The following SMCHD1 variants were observed in gnomAD, a reference collection of about 807,000 sequenced individuals.
SMCHD1 encodes the protein structural maintenance of chromosomes flexible hinge domain-containing protein 1.
A neutral mutation model predicts 254.7 loss-of-function variants in SMCHD1; 78 were observed. The ratio of observed to expected loss-of-function variants is 0.31; its 90% confidence interval spans 0.26 to 0.37. The LOEUF (loss-of-function observed/expected upper bound fraction) is 0.37, where lower values mean the gene tolerates loss of function less well. Among genes scored for constraint, SMCHD1 ranks in the 10% least tolerant of loss-of-function variants. The pLI is 1.00. For missense variants in SMCHD1, 1,840 were observed against 2,408.1 expected (o/e 0.76, Z 4.94); for synonymous variants, 766 against 794.9 (o/e 0.96, Z 0.61).
chr18:2,799,723 A>C (rs2076325351), intron 47 of SMCHD1, among the ~76,000 whole-genome samples: 1 of 152,138 alleles, frequency 6.6e-6, no homozygotes, highest in African/African-American at 2.4e-5. Context: ...ATTGTTACTA[A>C]GACTCTTTCT....
intron 31 of SMCHD1, 33 bp downstream of exon 31, chr18:2,750,155 T>TA: frequency 6.5e-7 from 1 of 1,550,164 alleles, no homozygotes; most frequent in South Asian, 1.2e-5. Flanking sequence ...TTGTTGGTGT[T>TA]ATAGAGATTC....
At chr18:2,758,816 C>T (rs188852211) in intron 34 of SMCHD1, among the ~76,000 whole-genome samples, 1 of 152,302 alleles carries the variant, frequency 6.6e-6, no homozygotes, top group East Asian at 1.9e-4. Flanking sequence ...ACCCCATCCC[C>T]TGCCCAGCAG....
intron 21 of SMCHD1, among the ~76,000 whole-genome samples, chr18:2,725,525 T>A (rs1451209465): frequency 6.6e-6 from 1 of 151,952 alleles, no homozygotes; most frequent in Non-Finnish European, 1.5e-5. Flanking sequence ...ATAGAAACTC[T>A]AATAAGGTAA....
In SMCHD1 at chr18:2,697,833, T is replaced by A. The variant is rs1298951978; in HGVS notation, c.1134T>A (p.Ile378=). The A allele has an allele frequency of 6.3e-7, 1 of 1,595,688 alleles. No individual in the cohort carries two copies. Among genetic ancestry groups the A allele is most frequent in the Non-Finnish European group, 8.6e-7 (1 of 1,165,538 alleles). The change falls in exon 10 of 48, where the codon ATT becomes ATA. Residue 378 remains isoleucine (I), a splice_region_variant and synonymous_variant. Transcript: ENST00000320876. Reference sequence around the variant, plus strand: ...TTTTTGTTTCCTTTTTATTTTAGATTTCTATGTTTGAAAAAGGGAAGGTAC... The same window carrying A: ...TTTTTGTTTCCTTTTTATTTTAGATATCTATGTTTGAAAAAGGGAAGGTAC... ...VEPFNNIDIE[I]SMFEKGKVPK...
rs2075825216 is a variant in SMCHD1 at position 2,763,809 on chromosome 18, T to C, written c.4719+20T>C. 2.5e-6 allele frequency: 4 copies of C among 1,600,400 alleles called. No individual in the cohort carries two copies. The highest frequency in any genetic ancestry group is 3.4e-6 in the Non-Finnish European group (4 of 1,174,420). ...ATCATGGTAAATTTTTTATATCTTT[T>C]GGTAGATAGAATTTCTGTATTTAAT... On this transcript the variant is annotated intron_variant, in intron 37 of 47. Transcript: ENST00000320876.
chr18:2,750,330 C>G lies in SMCHD1; in HGVS notation c.4008-20C>G. On this transcript the variant is annotated intron_variant, in intron 31 of 47. Transcript: ENST00000320876. ...ATTAACTAATGTAATTTGAACCCCT[C>G]TCCTCTTTTGTTTTGTTAGGGGAGA... 1 of 1,590,578 alleles carries G rather than the reference C, an allele frequency of 6.3e-7. No homozygotes were observed. The highest frequency in any genetic ancestry group is 8.5e-7 in the Non-Finnish European group (1 of 1,170,562).
At chr18:2,703,344 C>T (rs1381180657) in intron 12 of SMCHD1, among the ~76,000 whole-genome samples, 1 of 152,084 alleles carries the variant, frequency 6.6e-6, no homozygotes, top group East Asian at 1.9e-4. Context: ...TAGAAGGCCT[C>T]CACTCATCCC....
rs1398648402 is a variant in SMCHD1, at chr18:2,740,690, C to G, written c.3515-13C>G. On this transcript the variant is annotated splice_polypyrimidine_tract_variant and intron_variant, in intron 27 of 47. Transcript: ENST00000320876. The stretch of plus-strand genomic sequence containing the variant: ...AAAAGATAATACTAAAATAAAACTT[C>G]CCCCTTTTTTAGTTATAATAATTAC... The G allele has an allele frequency of 7.2e-7, 1 of 1,395,092 alleles. No individual in the cohort carries two copies. The highest frequency in any genetic ancestry group is 1.0e-6 in the Non-Finnish European group (1 of 999,988). The allele number at this position is 1,395,092 out of a possible 1,614,324, so 86.4% of individuals were successfully genotyped here. A position where few individuals can be genotyped will look rare whatever the true frequency, so the allele number is the denominator to read the frequency against.
rs566589750 is a variant in SMCHD1 at position 2,688,342 on chromosome 18, T to G, written c.639-52T>G. The G allele has an allele frequency of 3.0e-4, 393 of 1,316,136 alleles. 3 individuals are homozygous for G. The East Asian group carries it at 5.5e-3, about 18-fold the overall frequency. 81.5% of individuals were successfully genotyped at this position (1,316,136 alleles called of 1,614,324 possible). On this transcript the variant is annotated intron_variant, in intron 5 of 47. Coordinates refer to ENST00000320876, the MANE Select transcript of SMCHD1 (RefSeq NM_015295.3). ...GAATACAAGTGCAATGAAAGTTTCT[T>G]TTGACACTTAACTAGCTTGTTTAAA...
At chr18:2,730,712 C>G (rs1416610924) in intron 24 of SMCHD1, among the ~76,000 whole-genome samples, 2 of 152,192 alleles carry the variant, frequency 1.3e-5, no homozygotes, top group African/African-American at 4.8e-5. Flanking sequence ...GGTTGATTAA[C>G]TCATACTTTC....
intron 11 of SMCHD1, 36 bp downstream of exon 11, chr18:2,700,695 A>G: frequency 3.7e-6 from 6 of 1,604,030 alleles, no homozygotes; most frequent in Non-Finnish European, 4.3e-6. Context: ...TGTTTTTACA[A>G]CTTAATTCTT....
At chr18:2,781,953 A>G (rs2076163632) in intron 44 of SMCHD1, among the ~76,000 whole-genome samples, 1 of 152,222 alleles carries the variant, frequency 6.6e-6, no homozygotes, top group Non-Finnish European at 1.5e-5. Context: ...TGAAGAACTG[A>G]TGGCTGAAAA....
At chr18:2,789,792 G>A (rs936957913) in intron 45 of SMCHD1, among the ~76,000 whole-genome samples, 3 of 152,206 alleles carry the variant, frequency 2.0e-5, no homozygotes, top group Admixed American at 1.3e-4. Context: ...CAAGTGTTCT[G>A]TAGAGATCTT....
chr18:2,762,730 C>T (rs552384517), intron 36 of SMCHD1, among the ~76,000 whole-genome samples: 1 of 152,044 alleles, frequency 6.6e-6, no homozygotes, highest in Non-Finnish European at 1.5e-5. Context: ...TCATGTTATC[C>T]TCCTGCCTCA....
chr18:2,703,890 G>T lies in SMCHD1; in HGVS notation c.1842+4G>T, dbSNP rs770222418. ...GATATACAAAGCAGGACAGCTGGTAGGTTTAACTTATTGTCACTTTTTTCT... is the reference window on the plus strand; with the variant it reads ...GATATACAAAGCAGGACAGCTGGTATGTTTAACTTATTGTCACTTTTTTCT... On this transcript the variant is annotated splice_donor_region_variant and intron_variant, in intron 13 of 47. Coordinates refer to ENST00000320876, the MANE Select transcript of SMCHD1 (RefSeq NM_015295.3). The T allele has an allele frequency of 6.5e-7, 1 of 1,540,458 alleles. No homozygotes were observed. The highest frequency in any genetic ancestry group is 1.4e-5 in the African/African-American group (1 of 71,696).
intron 3 of SMCHD1, chr18:2,672,941 T>C (rs887741150): frequency 2.8e-6 from 1 of 360,602 alleles, no homozygotes; most frequent in African/African-American, 2.3e-5. Flanking sequence ...CTTGATGTAA[T>C]TACATACTGC....
intron 19 of SMCHD1, among the ~76,000 whole-genome samples, chr18:2,720,694 G>A (rs12604398): frequency 0.085 from 12,860 of 152,030 alleles, 927 homozygotes; most frequent in East Asian, 0.42. Flanking sequence ...GTAGGGGGGC[G>A]GTCCTCATAT....
rs923626137 is a variant in SMCHD1 at position 2,751,169 on chromosome 18, G to A, written c.4166-109G>A. The A allele has an allele frequency of 7.1e-5, 36 of 505,606 alleles. No individual in the cohort carries two copies. In the East Asian group the frequency reaches 1.1e-3, roughly 15 times the overall value. The allele number at this position is 505,606 out of a possible 1,614,324, so 31.3% of individuals were successfully genotyped here. A position where few individuals can be genotyped will look rare whatever the true frequency, so the allele number is the denominator to read the frequency against. ...AGAATTGTATTAACATTTAAATAACGTGTGCTTTAAACATTTAAATAAGAT... is the reference window on the plus strand; with the variant it reads ...AGAATTGTATTAACATTTAAATAACATGTGCTTTAAACATTTAAATAAGAT... On this transcript the variant is annotated intron_variant, in intron 32 of 47. Transcript: ENST00000320876.
At chr18:2,700,971 G>A (rs1251519374) in intron 12 of SMCHD1, 53 bp downstream of exon 12, 3 of 1,337,264 alleles carry the variant, frequency 2.2e-6, no homozygotes, top group African/African-American at 1.5e-5. Flanking sequence ...TTATTTTTAA[G>A]TAAAAGAAGA....
Sources: gnomAD v4.1 joint callset for allele counts (sites outside exome capture counted in the v4.1 genomes callset) on GRCh38, gnomAD v4.1.1 for gene constraint, MANE v1.5 for transcripts, NCBI Gene and HGNC (gene_info 2026-07-23, HGNC 2026-07-21) for gene names.